PHLPP1: variants seen among roughly 807,000 people sequenced by gnomAD.
PHLPP1 encodes the protein PH domain and leucine rich repeat protein phosphatase 1, also known as PH domain leucine-rich repeat-containing protein phosphatase 1.
PHLPP1 carries 42 observed loss-of-function variants against 117.2 expected under a neutral mutation model. The observed-to-expected ratio is 0.36, with a 90% CI of 0.28 to 0.46. The LOEUF (loss-of-function observed/expected upper bound fraction) is 0.46. Among genes scored for constraint, PHLPP1 ranks in the 20% least tolerant of loss-of-function variants. PHLPP1 has a pLI of 1.00. For missense variants in PHLPP1, 2,084 were observed against 2,241.9 expected, an observed-to-expected ratio of 0.93 and a Z score of 1.42; for synonymous variants, 1,042 against 970.7, an observed-to-expected ratio of 1.07 and a Z score of -1.37.
chr18:62,843,455 A>G (rs893133486), intron 3 of PHLPP1, among the ~76,000 whole-genome samples: 2 of 152,102 alleles, frequency 1.3e-5, no homozygotes, highest in Non-Finnish European at 2.9e-5. Flanking sequence ...TGATTTTGGG[A>G]AAATTTATAG....
At chr18:62,830,328 C>T (rs1914722326) in intron 2 of PHLPP1, 97 bp downstream of exon 2, 2 of 953,676 alleles carry the variant, frequency 2.1e-6, no homozygotes, top group African/African-American at 3.3e-5. Context: ...GCAACCTCTG[C>T]CTCCTGAGTT....
In PHLPP1 at chr18:62,903,007, C is replaced by G; in HGVS notation, c.2488C>G (p.Leu830Val). 6.2e-7 allele frequency: 1 copy of G among 1,613,080 alleles called. No homozygotes were observed. The highest frequency in any genetic ancestry group is 1.7e-5 in the Admixed American group (1 of 59,986). Residue 830 changes from leucine to valine, a missense_variant, in exon 7 of 17, where the codon CTA becomes GTA. By Grantham distance (32) the Leu-to-Val change is conservative. This residue lies in a region of PHLPP1 where 1,365 missense variants were observed against 1,605.9 expected (regional missense o/e 0.85). Coordinates refer to ENST00000262719, the MANE Select transcript of PHLPP1 (RefSeq NM_194449.4). ...RKLIADEVDFLQHVTQLDLRD... is the reference protein window; with the variant it reads ...RKLIADEVDFVQHVTQLDLRD... ...GCTGATAGCAGATGAAGTGGACTTTCTACAGCATGTTACTCAGCTTGACCT... is the reference window on the plus strand; with the variant it reads ...GCTGATAGCAGATGAAGTGGACTTTGTACAGCATGTTACTCAGCTTGACCT...
intron 12 of PHLPP1, among the ~76,000 whole-genome samples, chr18:62,950,246 C>A (rs1910413351): frequency 1.3e-5 from 2 of 152,304 alleles, no homozygotes; most frequent in Middle Eastern, 3.4e-3. Context: ...TAATAAACTA[C>A]TTGGCTAAGT....
intron 1 of PHLPP1, among the ~76,000 whole-genome samples, chr18:62,797,819 G>C (rs1210391686): frequency 2.6e-5 from 4 of 152,100 alleles, no homozygotes; most frequent in Non-Finnish European, 4.4e-5. Context: ...CGGGGAGAGA[G>C]GTTGATTATG....
At chr18:62,941,648 C>G (rs1246515480) in intron 10 of PHLPP1, 70 bp from the exon 11 acceptor site, 32 of 1,141,488 alleles carry the variant, frequency 2.8e-5, no homozygotes, top group Non-Finnish European at 3.6e-5. Context: ...TGCCTGGTAT[C>G]AAAGCTTTTA....
At chr18:62,772,343 T>G (rs755085326) in intron 1 of PHLPP1, among the ~76,000 whole-genome samples, 4 of 152,110 alleles carry the variant, frequency 2.6e-5, no homozygotes, top group Non-Finnish European at 4.4e-5. Flanking sequence ...TTCTGTTTTC[T>G]TTATTTTTTT....
At chr18:62,891,029 AT>A (rs1325855682) in intron 4 of PHLPP1, among the ~76,000 whole-genome samples, 1 of 152,174 alleles carries the variant, frequency 6.6e-6, no homozygotes, top group East Asian at 1.9e-4. Flanking sequence ...AGGTTAGGGG[AT>A]AGGGGAGGAA....
In PHLPP1 at chr18:62,958,436, A is replaced by T. The variant is rs561536837; in HGVS notation, c.3325-193A>T. ...TCTGTTATTCAAAGAAAATTAAAAA[A>T]TTTTTTTTGCATTTAGCAAAATCTA... On this transcript the variant is annotated intron_variant, in intron 12 of 16. Coordinates refer to ENST00000262719, the MANE Select transcript of PHLPP1 (RefSeq NM_194449.4). Among the ~76,000 whole-genome samples, 52 of 152,230 alleles carry T rather than the reference A, an allele frequency of 3.4e-4. No individual in the cohort carries two copies. In the South Asian group the frequency reaches 6.2e-3, roughly 18 times the overall value.
At chr18:62,843,812 A>G (rs1915111879) in intron 3 of PHLPP1, among the ~76,000 whole-genome samples, 1 of 152,234 alleles carries the variant, frequency 6.6e-6, no homozygotes, top group Non-Finnish European at 1.5e-5. Flanking sequence ...GGCTACGGCT[A>G]AGCTGTGGGA....
At chr18:62,940,244 A>G (rs1007835614) in intron 10 of PHLPP1, among the ~76,000 whole-genome samples, 2 of 148,574 alleles carry the variant, frequency 1.3e-5, no homozygotes, top group African/African-American at 2.5e-5. Flanking sequence ...TGTGCATTTA[A>G]CTACATTTCA....
intron 14 of PHLPP1, among the ~76,000 whole-genome samples, chr18:62,970,200 T>C (rs574141342): frequency 8.5e-5 from 13 of 152,354 alleles, no homozygotes; most frequent in African/African-American, 2.9e-4. Flanking sequence ...GTAATGTCAT[T>C]TCACATATAA....
At position 62,978,145 on chromosome 18, in the gene PHLPP1, A is replaced by T; in HGVS notation, c.3985-117A>T. 2 of 624,136 alleles carry T rather than the reference A, an allele frequency of 3.2e-6. No homozygotes were observed. The highest frequency in any genetic ancestry group is 5.7e-6 in the Non-Finnish European group (2 of 349,694). 38.7% of individuals were successfully genotyped at this position (624,136 alleles called of 1,614,324 possible). A position where few individuals can be genotyped will look rare whatever the true frequency, so the allele number is the denominator to read the frequency against. On this transcript the variant is annotated intron_variant, in intron 16 of 16. Transcript: ENST00000262719. This position sits in a 1 kb window ranked among gnomAD's most constrained non-coding sequence, Gnocchi z 7.0. ...TGAGCCCTTCTTTCCTCTGTGGGCCACACAGCACTTCTCTGTGGTCCTACA... is the reference window on the plus strand; with the variant it reads ...TGAGCCCTTCTTTCCTCTGTGGGCCTCACAGCACTTCTCTGTGGTCCTACA...
At chr18:62,746,613 A>G (rs1237924622) in intron 1 of PHLPP1, among the ~76,000 whole-genome samples, 1 of 152,104 alleles carries the variant, frequency 6.6e-6, no homozygotes, top group Non-Finnish European at 1.5e-5. Flanking sequence ...CAAGAGTAAT[A>G]TAAAGAACAC....
Position 62,895,043 on chromosome 18 carries a change from A to G in PHLPP1, c.2099A>G (p.Asn700Ser), listed in dbSNP as rs778154482. 1.5e-5 allele frequency: 24 copies of G among 1,612,360 alleles called. No homozygotes were observed. The highest frequency in any genetic ancestry group is 5.3e-5 in the African/African-American group (4 of 74,874). ...AAGTTGAAGAGTCTTAACCTTTCCA[A>G]TAATCATTTAGGGGACTTCCCACTG... ...FTKLKSLNLS[N>S]NHLGDFPLAV... Residue 700 changes from asparagine (N) to serine (S), a missense_variant, in exon 5 of 17, where the codon AAT becomes AGT. By Grantham distance (46) the Asn-to-Ser change is conservative. Transcript: ENST00000262719.
intron 14 of PHLPP1, among the ~76,000 whole-genome samples, chr18:62,965,452 C>CTTTTTTTTTTTTTTTTTTTTTTTT (rs34187461): frequency 1.3e-5 from 1 of 76,144 alleles, no homozygotes; most frequent in African/African-American, 5.6e-5. Context: ...TAATCAGCCT[C>CTTTTTTTTTTTTTTTTTTTTTTTT]TTTTTTTTTT....
At position 62,800,659 on chromosome 18, in the gene PHLPP1, A is replaced by G. The variant is rs141614971; in HGVS notation, c.1577-29376A>G. Among the ~76,000 whole-genome samples, 174 of 151,834 alleles carry G rather than the reference A, an allele frequency of 1.1e-3. 2 individuals are homozygous for G. Among genetic ancestry groups the G allele is most frequent in the African/African-American group, 4.0e-3 (166 of 41,390 alleles). ...CTGTTGTAAAAACCCTCTCAGTTTG[A>G]TATTTACTTTGGTTCATGTTACTTG... On this transcript the variant is annotated intron_variant, in intron 1 of 16. Transcript: ENST00000262719.
intron 14 of PHLPP1, among the ~76,000 whole-genome samples, chr18:62,971,375 C>G (rs1022186603): frequency 1.3e-5 from 2 of 150,870 alleles, no homozygotes; most frequent in Non-Finnish European, 1.5e-5. Flanking sequence ...TTTTTTTTTC[C>G]CAGTCTTTTT....
chr18:62,801,848 A>T (rs1044637151), intron 1 of PHLPP1, among the ~76,000 whole-genome samples: 1 of 151,810 alleles, frequency 6.6e-6, no homozygotes, highest in East Asian at 1.9e-4. Context: ...TTTCTTACCT[A>T]TGTCTTGTTT....
At position 62,880,102 on chromosome 18, in the gene PHLPP1, C is replaced by A. The variant is rs1400180359; in HGVS notation, c.2067-14909C>A. Reference sequence around the variant, plus strand: ...ATGTCTAAATCACATTTGTATACTTCCAGCACCTTTGTGCATAGTAAGAAC... The same window carrying A: ...ATGTCTAAATCACATTTGTATACTTACAGCACCTTTGTGCATAGTAAGAAC... On this transcript the variant is annotated intron_variant, in intron 4 of 16. Transcript: ENST00000262719. Among the ~76,000 whole-genome samples the A allele has an allele frequency of 2.6e-5, 4 of 152,086 alleles. No homozygotes were observed. The East Asian group carries it at 7.7e-4, about 29-fold the overall frequency.
Sources: gnomAD v4.1 joint callset for allele counts (sites outside exome capture counted in the v4.1 genomes callset) on GRCh38, gnomAD v4.1.1 for gene constraint, gnomAD v4.1.1 regional missense constraint, Gnocchi (gnomAD v3.1) non-coding constraint, MANE v1.5 for transcripts, NCBI Gene and HGNC (gene_info 2026-07-23, HGNC 2026-07-21) for gene names.